The following RNF220 variants were observed in gnomAD, a reference collection of about 807,000 sequenced individuals.
RNF220 encodes ring finger protein 220.
A neutral mutation model predicts 67.1 loss-of-function variants in RNF220; 7 were observed. The observed-to-expected ratio is 0.10, with a 90% CI of 0.06 to 0.20. RNF220 has a LOEUF of 0.20. Ranked by LOEUF, RNF220 falls within the 10% of genes least tolerant of loss-of-function variation. RNF220 has a pLI of 1.00. For synonymous variants in RNF220, 270 were observed against 283.2 expected, an observed-to-expected ratio of 0.95 and a Z score of 0.47; for missense variants, 565 against 740.3, an observed-to-expected ratio of 0.76 and a Z score of 2.75.
intron 2 of RNF220, among the ~76,000 whole-genome samples, chr1:44,544,277 T>C (rs1661934826): frequency 6.6e-6 from 1 of 152,318 alleles, no homozygotes; most frequent in African/African-American, 2.4e-5. Context: ...CATCCCTGTC[T>C]TCTGAGGCTG....
At chr1:44,634,478 A>C (rs889824385) in intron 6 of RNF220, among the ~76,000 whole-genome samples, 2 of 152,220 alleles carry the variant, frequency 1.3e-5, no homozygotes, top group South Asian at 2.1e-4. Context: ...CCCCTCCTAG[A>C]TTGCATTCAT....
At chr1:44,405,041 G>A (rs942783973), upstream of RNF220, among the ~76,000 whole-genome samples, 8 of 152,034 alleles carry the variant, frequency 5.3e-5, no homozygotes, top group East Asian at 1.9e-4. Context: ...ACAATGGCTC[G>A]CGACCCCAAG....
At chr1:44,592,747 G>C (rs996720180) in intron 2 of RNF220, among the ~76,000 whole-genome samples, 11 of 152,296 alleles carry the variant, frequency 7.2e-5, no homozygotes, top group Admixed American at 6.5e-5. Flanking sequence ...ATGGGTTACA[G>C]CAGTTGCCCA....
intron 2 of RNF220, among the ~76,000 whole-genome samples, chr1:44,517,659 A>G (rs1659562028): frequency 6.6e-6 from 1 of 152,240 alleles, no homozygotes; most frequent in Non-Finnish European, 1.5e-5. Flanking sequence ...TTTAGAGACC[A>G]GGGTCTTGCT....
In RNF220 at chr1:44,409,640, A is replaced by G. The variant is rs534130607; in HGVS notation, c.-117-2341A>G. ...ATCAGCATAGAGGCAGAAAAGTAAC[A>G]GTTACTTACTTTCCCTTTGCCGGGT... On this transcript the variant is annotated intron_variant, in intron 1 of 14. Transcript: ENST00000361799. 5.3e-5 allele frequency among the ~76,000 whole-genome samples: 8 copies of G among 152,370 alleles called. No individual in the cohort carries two copies. The South Asian group carries it at 8.3e-4, about 16-fold the overall frequency.
chr1:44,640,308 T>C (rs1238520242), intron 8 of RNF220, among the ~76,000 whole-genome samples: 1 of 152,178 alleles, frequency 6.6e-6, no homozygotes, highest in Non-Finnish European at 1.5e-5. Flanking sequence ...GTGACAGGTG[T>C]TGGAACAGCA....
At chr1:44,405,103 T>C (rs748782396), upstream of RNF220, 17 of 172,484 alleles carry the variant, frequency 9.9e-5, no homozygotes, top group Non-Finnish European at 1.8e-4. Flanking sequence ...AGGAGTGCCC[T>C]GGGTCTGGAC....
intron 2 of RNF220, among the ~76,000 whole-genome samples, chr1:44,598,910 A>T (rs77048895): frequency 6.6e-6 from 1 of 152,018 alleles, no homozygotes; most frequent in Non-Finnish European, 1.5e-5. Flanking sequence ...CATTGCCTCA[A>T]TTGCCTTCCT....
intron 2 of RNF220, among the ~76,000 whole-genome samples, chr1:44,451,672 G>C (rs1334821273): frequency 1.3e-5 from 2 of 152,034 alleles, no homozygotes; most frequent in Non-Finnish European, 2.9e-5. Context: ...GCCCAGGCTA[G>C]AGTGCAATGG....
At chr1:44,436,269 G>T (rs531734659) in intron 2 of RNF220, among the ~76,000 whole-genome samples, 2 of 152,100 alleles carry the variant, frequency 1.3e-5, no homozygotes, top group Non-Finnish European at 2.9e-5. Flanking sequence ...GCCCAGCAAT[G>T]ACCATTCTGA....
chr1:44,499,310 G>A (rs1657620207), intron 2 of RNF220, among the ~76,000 whole-genome samples: 2 of 151,874 alleles, frequency 1.3e-5, no homozygotes, highest in African/African-American at 4.8e-5. Context: ...TTCCCCTTTA[G>A]GTCACCCCCT....
intron 2 of RNF220, among the ~76,000 whole-genome samples, chr1:44,454,105 G>A (rs963727177): frequency 6.6e-6 from 1 of 152,154 alleles, no homozygotes; most frequent in Non-Finnish European, 1.5e-5. Flanking sequence ...TCCCAGATAA[G>A]TCTCAGGGAT....
chr1:44,650,596 A>C lies in RNF220; in HGVS notation c.1630-108A>C. 2.5e-6 allele frequency: 3 copies of C among 1,216,782 alleles called. No individual in the cohort carries two copies. The highest frequency in any genetic ancestry group is 3.6e-6 in the Non-Finnish European group (3 of 836,716). The allele number at this position is 1,216,782 out of a possible 1,614,324, so 75.4% of individuals were successfully genotyped here. On this transcript the variant is annotated intron_variant, in intron 14 of 14. Transcript: ENST00000361799. The surrounding 1 kb of genome is among the most constrained non-coding windows in gnomAD (Gnocchi z 4.3). ...TCCCCAGCCTGGGCTGACAGGACCA[A>C]GGTCTCAGCACACACTGGTGCAGAG...
chr1:44,488,348 C>T (rs185711749), intron 2 of RNF220, among the ~76,000 whole-genome samples: 3 of 151,746 alleles, frequency 2.0e-5, no homozygotes, highest in Non-Finnish European at 2.9e-5. Flanking sequence ...AGGCTGGTCT[C>T]GAACTCCTTA....
intron 1 of RNF220, among the ~76,000 whole-genome samples, chr1:44,411,692 C>T (rs1057404388): frequency 6.6e-6 from 1 of 152,168 alleles, no homozygotes; most frequent in Admixed American, 6.5e-5. Context: ...CAGAGAATAT[C>T]GTATTTGGAG....
intron 2 of RNF220, among the ~76,000 whole-genome samples, chr1:44,543,327 G>A (rs1222235830): frequency 6.6e-6 from 1 of 152,146 alleles, no homozygotes; most frequent in African/African-American, 2.4e-5. Flanking sequence ...TGGGGCTGGG[G>A]GGAGGGGAGG....
intron 2 of RNF220, among the ~76,000 whole-genome samples, chr1:44,532,052 CCT>C (rs1660876525): frequency 6.6e-6 from 1 of 152,088 alleles, no homozygotes; most frequent in Admixed American, 6.5e-5. Context: ...GTGCAGATGA[CCT>C]CTCTCTCAAT....
chr1:44,508,646 C>T (rs1316972072), intron 2 of RNF220, among the ~76,000 whole-genome samples: 1 of 152,212 alleles, frequency 6.6e-6, no homozygotes, highest in African/African-American at 2.4e-5. Flanking sequence ...ATCCTTCTCA[C>T]ATCTTGTTGC....
At chr1:44,497,719 C>T (rs1372062069) in intron 2 of RNF220, among the ~76,000 whole-genome samples, 1 of 152,190 alleles carries the variant, frequency 6.6e-6, no homozygotes, top group Non-Finnish European at 1.5e-5. Context: ...CAAATCTCTC[C>T]ATTCCCCCAA....
Sources: gnomAD v4.1 joint callset for allele counts (sites outside exome capture counted in the v4.1 genomes callset) on GRCh38, gnomAD v4.1.1 for gene constraint, Gnocchi (gnomAD v3.1) non-coding constraint, MANE v1.5 for transcripts, NCBI Gene and HGNC (gene_info 2026-07-23, HGNC 2026-07-21) for gene names.